DNM3: variants seen among roughly 807,000 people sequenced by gnomAD.
DNM3 encodes dynamin-3.
Under a neutral mutation model 101.6 loss-of-function variants are expected in DNM3, and 47 were observed. The observed-to-expected ratio is 0.46, with a 90% CI of 0.37 to 0.59. The LOEUF (loss-of-function observed/expected upper bound fraction) is 0.59, where lower values mean the gene tolerates loss of function less well. Among genes scored for constraint, DNM3 ranks in the 20% least tolerant of loss-of-function variants. The pLI, the probability that DNM3 is intolerant of heterozygous loss-of-function variation, is 0.00. For synonymous variants in DNM3, 385 were observed against 387.9 expected (o/e 0.99, Z 0.09); for missense variants, 849 against 1,085.7 (o/e 0.78, Z 3.06).
chr1:172,146,627 A>G (rs1295271787), intron 14 of DNM3, among the ~76,000 whole-genome samples: 1 of 152,112 alleles, frequency 6.6e-6, no homozygotes, highest in Non-Finnish European at 1.5e-5. Context: ...TAATACTTGT[A>G]TTATATGTGG....
chr1:172,174,821 T>A (rs1420117697), intron 14 of DNM3, among the ~76,000 whole-genome samples: 3 of 151,714 alleles, frequency 2.0e-5, no homozygotes, highest in Non-Finnish European at 3.0e-5. Flanking sequence ...TGAGGGAAAC[T>A]ACAATAGGAA....
intron 17 of DNM3, among the ~76,000 whole-genome samples, chr1:172,371,011 C>A (rs1387294338): frequency 6.6e-6 from 1 of 152,014 alleles, no homozygotes; most frequent in Non-Finnish European, 1.5e-5. Flanking sequence ...GTTTGACACA[C>A]TACTGAATCA....
intron 12 of DNM3, among the ~76,000 whole-genome samples, chr1:172,087,436 A>G (rs1443181661): frequency 2.6e-5 from 4 of 152,174 alleles, no homozygotes; most frequent in African/African-American, 4.8e-5. Context: ...TCACTGGACT[A>G]TGTACCATAT....
At chr1:171,919,797 T>C (rs1220364618) in intron 1 of DNM3, among the ~76,000 whole-genome samples, 7 of 152,236 alleles carry the variant, frequency 4.6e-5, no homozygotes, top group Non-Finnish European at 8.8e-5. Context: ...TTCTCTTTTC[T>C]GAACTCCAAT....
intron 18 of DNM3, among the ~76,000 whole-genome samples, chr1:172,385,870 C>T (rs561388715): frequency 2.0e-5 from 3 of 152,262 alleles, no homozygotes; most frequent in East Asian, 3.9e-4. Flanking sequence ...TTTTACTAGG[C>T]TTAAGTTAAT....
intron 2 of DNM3, among the ~76,000 whole-genome samples, chr1:171,956,983 AG>A (rs967349061): frequency 1.3e-5 from 2 of 152,130 alleles, no homozygotes; most frequent in African/African-American, 4.8e-5. Context: ...TGCACAGAGC[AG>A]GGGGATCCTG....
At chr1:172,255,876 A>G (rs564119440) in intron 15 of DNM3, among the ~76,000 whole-genome samples, 142 of 152,306 alleles carry the variant, frequency 9.3e-4, no homozygotes, top group African/African-American at 3.2e-3. Flanking sequence ...GTCTGATATC[A>G]GGTGAAGATT....
chr1:171,962,496 T>G (rs112668589), intron 2 of DNM3, among the ~76,000 whole-genome samples: 3 of 152,260 alleles, frequency 2.0e-5, no homozygotes, highest in African/African-American at 7.2e-5. Context: ...TATCACAGAC[T>G]GGGTAGCTTA....
intron 13 of DNM3, among the ~76,000 whole-genome samples, chr1:172,094,293 C>T (rs750102567): frequency 2.0e-5 from 3 of 152,016 alleles, no homozygotes; most frequent in Non-Finnish European, 4.4e-5. Flanking sequence ...CTTTGAAAAC[C>T]AGATACTATG....
chr1:172,083,455 A>T (rs1199691018), intron 12 of DNM3, among the ~76,000 whole-genome samples: 1 of 152,214 alleles, frequency 6.6e-6, no homozygotes, highest in Non-Finnish European at 1.5e-5. Context: ...AATAATAGGA[A>T]TGCTGCCTTT....
intron 17 of DNM3, among the ~76,000 whole-genome samples, chr1:172,345,891 C>T (rs766823386): frequency 6.6e-6 from 1 of 151,946 alleles, no homozygotes; most frequent in African/African-American, 2.4e-5. Context: ...GATTAGCAGC[C>T]GGGCGGATCA....
chr1:172,403,048 GC>G (rs1213280485), intron 20 of DNM3, among the ~76,000 whole-genome samples: 5 of 152,130 alleles, frequency 3.3e-5, no homozygotes, highest in African/African-American at 1.2e-4. Flanking sequence ...TTTTAACAAG[GC>G]TTCCAGGGAA....
intron 1 of DNM3, among the ~76,000 whole-genome samples, chr1:171,911,712 C>T (rs1336880456): frequency 1.3e-5 from 2 of 152,150 alleles, no homozygotes; most frequent in Non-Finnish European, 2.9e-5. Context: ...GGACCAAGGA[C>T]AGTAATTGGG....
At chr1:171,862,122 T>TAC (rs2034236145) in intron 1 of DNM3, among the ~76,000 whole-genome samples, 1 of 152,196 alleles carries the variant, frequency 6.6e-6, no homozygotes, top group Non-Finnish European at 1.5e-5. Context: ...ACTCATCCAT[T>TAC]ACTGGTGGGA....
intron 4 of DNM3, among the ~76,000 whole-genome samples, chr1:172,025,089 G>A (rs991541382): frequency 1.8e-4 from 28 of 152,214 alleles, no homozygotes; most frequent in African/African-American, 6.3e-4. Context: ...GTCTGAAGTT[G>A]ACCTGGGACG....
chr1:172,110,926 C>A (rs1019989864), intron 13 of DNM3, among the ~76,000 whole-genome samples: 1 of 152,194 alleles, frequency 6.6e-6, no homozygotes, highest in Non-Finnish European at 1.5e-5. Flanking sequence ...GTGTCAGCTA[C>A]TCAGGAGGCT....
chr1:172,298,928 A>G (rs995241581), intron 15 of DNM3, among the ~76,000 whole-genome samples: 1 of 152,138 alleles, frequency 6.6e-6, no homozygotes, highest in Non-Finnish European at 1.5e-5. Context: ...AGAAAAACAG[A>G]TGCATAATTC....
chr1:172,066,646 C>G (rs1327061026), intron 10 of DNM3, among the ~76,000 whole-genome samples: 2 of 152,136 alleles, frequency 1.3e-5, no homozygotes, highest in Non-Finnish European at 2.9e-5. Context: ...AAAGAAATAT[C>G]CAAACCAAAA....
At chr1:172,316,025 C>G (rs539056707) in intron 16 of DNM3, among the ~76,000 whole-genome samples, 3 of 152,164 alleles carry the variant, frequency 2.0e-5, no homozygotes, top group Non-Finnish European at 4.4e-5. Flanking sequence ...GCCCATCAGA[C>G]TAACGGCGGA....
Sources: gnomAD v4.1 joint callset for allele counts (sites outside exome capture counted in the v4.1 genomes callset) on GRCh38, gnomAD v4.1.1 for gene constraint, MANE v1.5 for transcripts, NCBI Gene and HGNC (gene_info 2026-07-23, HGNC 2026-07-21) for gene names.